The following SLAMF8 variants were observed in gnomAD, a reference collection of about 807,000 sequenced individuals.
SLAMF8 encodes SLAM family member 8, also known as B lymphocyte activator macrophage expressed.
In SLAMF8, 23 loss-of-function variants were observed where a neutral mutation model predicts 29.0. The observed-to-expected ratio is 0.79, with a 90% confidence interval of 0.57 to 1.13. The LOEUF (loss-of-function observed/expected upper bound fraction) is 1.13, where lower values mean the gene tolerates loss of function less well. SLAMF8 is among the 50% of genes most tolerant of loss of function. The pLI is 0.00. For synonymous variants in SLAMF8, 139 were observed against 145.6 expected (o/e 0.96, Z 0.32); for missense variants, 381 against 353.1 (o/e 1.08, Z -0.63).
chr1:159,831,139 C>T (rs10158111), intron 2 of SLAMF8, among the ~76,000 whole-genome samples: 21,569 of 152,012 alleles, frequency 0.14, 1,656 homozygotes, highest in Middle Eastern at 0.17. Flanking sequence ...ACCTAATGGG[C>T]TAGAAAAGAG....
Position 159,833,269 on chromosome 1 carries a change from G to A in SLAMF8, c.681G>A (p.Gly227=), listed in dbSNP as rs1168955694. The change falls in exon 4 of 5, where the codon GGG becomes GGA. Residue 227 remains glycine, a synonymous_variant. Coordinates refer to ENST00000289707, the MANE Select transcript of SLAMF8 (RefSeq NM_020125.3). ...CCACCCCTCCATGTTCAGCACCAGG[G>A]AAGGCCTCCTACAAAGATGTGCTGC... ...WDSCHHEAAP[G]KASYKDVLLV... is the part of the protein sequence containing the mutation. 1 of 1,614,054 alleles carries A rather than the reference G, an allele frequency of 6.2e-7. No homozygotes were observed. Among genetic ancestry groups the A allele is most frequent in the African/African-American group, 1.3e-5 (1 of 74,928 alleles).
In SLAMF8 at chr1:159,833,214, G is replaced by T. The variant is rs760794692; in HGVS notation, c.673+33G>T. 7 of 1,614,122 alleles carry T rather than the reference G, an allele frequency of 4.3e-6. No homozygotes were observed. The South Asian group carries it at 5.5e-5, about 13-fold the overall frequency. ...AAGGGCCAGCAGTCAGTGGTTGAGGGCTTATGAAGCATCAAGTCCACCTCT... is the reference window on the plus strand; with the variant it reads ...AAGGGCCAGCAGTCAGTGGTTGAGGTCTTATGAAGCATCAAGTCCACCTCT... On this transcript the variant is annotated intron_variant, in intron 3 of 4. Transcript: ENST00000289707.
At chr1:159,829,736 T>C in intron 1 of SLAMF8, 130 bp from the exon 2 acceptor site, 1 of 927,574 alleles carries the variant, frequency 1.1e-6, no homozygotes, top group Non-Finnish European at 1.6e-6. Flanking sequence ...CCTAGCACAG[T>C]GCAACCTCAA....
Position 159,830,000 on chromosome 1 carries a change from C to T in SLAMF8, c.175C>T (p.Leu59Phe). The part of the protein sequence containing the change: ...IWRSLWPSEE[L>F]LATFFRGSLE... ...GCGATCTCTCTGGCCTTCAGAAGAG[C>T]TCCTGGCCACGTTTTTCCGAGGCTC... Residue 59 changes from leucine to phenylalanine, a missense_variant, in exon 2 of 5, where the codon CTC (leucine) becomes TTC (phenylalanine). Physicochemically the swap from Leu to Phe is conservative, Grantham distance 22. Coordinates refer to ENST00000289707, the MANE Select transcript of SLAMF8 (RefSeq NM_020125.3). 2.5e-6 allele frequency: 4 copies of T among 1,614,234 alleles called. No individual in the cohort carries two copies. Among genetic ancestry groups the T allele is most frequent in the Non-Finnish European group, 3.4e-6 (4 of 1,180,042 alleles).
chr1:159,830,970 G>A (rs1466364974), intron 2 of SLAMF8, among the ~76,000 whole-genome samples: 1 of 152,160 alleles, frequency 6.6e-6, no homozygotes, highest in Non-Finnish European at 1.5e-5. Context: ...AGAGCCATTC[G>A]CGCAGCTACA....
At chr1:159,832,542 G>T (rs183814865) in intron 2 of SLAMF8, among the ~76,000 whole-genome samples, 1 of 152,324 alleles carries the variant, frequency 6.6e-6, no homozygotes. Flanking sequence ...AGAAGGGAAA[G>T]GCATCTGTGT....
chr1:159,831,707 C>T (rs778966005), intron 2 of SLAMF8, among the ~76,000 whole-genome samples: 7 of 152,166 alleles, frequency 4.6e-5, no homozygotes, highest in Non-Finnish European at 5.9e-5. Flanking sequence ...AAATACATAG[C>T]GTGATTAGAA....
rs141884763 is a variant in SLAMF8, at chr1:159,830,100, C to G, written c.275C>G (p.Pro92Arg). 4 of 1,614,094 alleles carry G rather than the reference C, an allele frequency of 2.5e-6. No homozygotes were observed. The highest frequency in any genetic ancestry group is 3.4e-6 in the Non-Finnish European group (4 of 1,180,052). Reference sequence around the variant, plus strand: ...AGCAACCTCAGCCTGGAGCTCGGGCCGCTGGAGTCTGGAGACAGCGGCAAC... The same window carrying G: ...AGCAACCTCAGCCTGGAGCTCGGGCGGCTGGAGTCTGGAGACAGCGGCAAC... Reference protein sequence around the residue: ...LHSNLSLELGPLESGDSGNFS... With the variant: ...LHSNLSLELGRLESGDSGNFS... Residue 92 changes from proline to arginine, a missense_variant, in exon 2 of 5, where the codon CCG (proline) becomes CGG (arginine). By Grantham distance (103) the Pro-to-Arg change is moderately radical (BLOSUM62 -2). Transcript: ENST00000289707.
intron 2 of SLAMF8, among the ~76,000 whole-genome samples, chr1:159,831,315 C>A (rs1157438218): frequency 6.6e-6 from 1 of 151,960 alleles, no homozygotes; most frequent in African/African-American, 2.4e-5. Flanking sequence ...TGTCTTGAAT[C>A]CCCCCGAGAC....
At chr1:159,832,250 C>T (rs1167210210) in intron 2 of SLAMF8, among the ~76,000 whole-genome samples, 1 of 152,234 alleles carries the variant, frequency 6.6e-6, no homozygotes, top group Non-Finnish European at 1.5e-5. Context: ...ATTTTGCACC[C>T]TCATAATTAT....
Position 159,830,192 on chromosome 1 carries a change from G to C in SLAMF8, c.367G>C (p.Asp123His). The change falls in exon 2 of 5, where the codon GAT becomes CAT. Residue 123 changes from aspartate to histidine, a missense_variant and splice_region_variant. Physicochemically the swap from Asp to His is moderately conservative, Grantham distance 81 (BLOSUM62 -1). Coordinates refer to ENST00000289707, the MANE Select transcript of SLAMF8 (RefSeq NM_020125.3). ...WTQTLQLKVY[D>H]AVPRPVVQVF... is the part of the protein sequence containing the mutation. ...CCAGACCCTCCAGCTCAAGGTGTAC[G>C]GTGAGTGTGTCTGACACTGGCTGCC... 3 of 1,586,506 alleles carry C rather than the reference G, an allele frequency of 1.9e-6. No individual in the cohort carries two copies. The highest frequency in any genetic ancestry group is 2.6e-6 in the Non-Finnish European group (3 of 1,162,604).
Position 159,835,198 on chromosome 1 carries a change from G to A in SLAMF8, c.796G>A (p.Asp266Asn). Reference protein sequence around the residue: ...WCPCSGKKKKDVHADRVGPET... With the variant: ...WCPCSGKKKKNVHADRVGPET... Reference sequence around the variant, plus strand: ...GTCCTTACCAGGGAAAAAGAAAAAGGATGTCCATGCTGACAGAGTGGGTCC... The same window carrying A: ...GTCCTTACCAGGGAAAAAGAAAAAGAATGTCCATGCTGACAGAGTGGGTCC... The change falls in exon 5 of 5, where the codon GAT becomes AAT. Residue 266 changes from aspartate to asparagine, a missense_variant. Asp to Asn is a conservative substitution (Grantham distance 23). Transcript: ENST00000289707. 6.2e-7 allele frequency: 1 copy of A among 1,614,010 alleles called. No homozygotes were observed. Among genetic ancestry groups the A allele is most frequent in the Non-Finnish European group, 8.5e-7 (1 of 1,179,962 alleles).
chr1:159,834,549 C>A (rs561075418), intron 4 of SLAMF8: 1 of 152,212 alleles, frequency 6.6e-6, no homozygotes, highest in African/African-American at 2.4e-5. Flanking sequence ...GTATACAATT[C>A]GATGCCTTTT....
In SLAMF8 at chr1:159,837,428, G is replaced by A. The variant is rs1404555148; in HGVS notation, c.*2168G>A. 4.3e-6 allele frequency: 2 copies of A among 467,362 alleles called. No homozygotes were observed. Among genetic ancestry groups the A allele is most frequent in the African/African-American group, 4.2e-5 (2 of 47,244 alleles). The allele number at this position is 467,362 out of a possible 1,614,324, so 29.0% of individuals were successfully genotyped here. ...ATTTCTTGGCACTTGGGAATCAGTA[G>A]TCAAGCGAAACCCTTGCCTTTGAGA... On this transcript the variant is annotated 3_prime_UTR_variant, in exon 5 of 5. Transcript: ENST00000289707.
At chr1:159,828,929 C>G (rs74124726) in intron 1 of SLAMF8, among the ~76,000 whole-genome samples, 1,878 of 152,214 alleles carry the variant, frequency 0.012, 37 homozygotes, top group African/African-American at 0.042. Flanking sequence ...TTTCTCACCC[C>G]CTGTCTGTTT....
rs539549437 is a variant in SLAMF8 at position 159,837,317 on chromosome 1, A to T, written c.*2057A>T. 1.0e-6 allele frequency: 1 copy of T among 985,234 alleles called. No individual in the cohort carries two copies. The highest frequency in any genetic ancestry group is 4.7e-5 in the South Asian group (1 of 21,278). 61.0% of individuals were successfully genotyped at this position (985,234 alleles called of 1,614,324 possible). A position where few individuals can be genotyped will look rare whatever the true frequency, so the allele number is the denominator to read the frequency against. Reference sequence around the variant, plus strand: ...AACACAAAGTGCTTCTGTGAGACCAATTTTGTGCTAATGAGCATTGAGACT... The same window carrying T: ...AACACAAAGTGCTTCTGTGAGACCATTTTTGTGCTAATGAGCATTGAGACT... On this transcript the variant is annotated 3_prime_UTR_variant, in exon 5 of 5. Transcript: ENST00000289707.
intron 2 of SLAMF8, among the ~76,000 whole-genome samples, chr1:159,832,217 C>G (rs1036101538): frequency 1.8e-4 from 28 of 152,222 alleles, no homozygotes; most frequent in Admixed American, 6.5e-5. Context: ...AGAGCCCCCA[C>G]CTCTGGGCCC....
chr1:159,836,767 T>A lies in SLAMF8; in HGVS notation c.*1507T>A. 1 of 985,620 alleles carries A rather than the reference T, an allele frequency of 1.0e-6. No individual in the cohort carries two copies. Among genetic ancestry groups the A allele is most frequent in the Non-Finnish European group, 1.2e-6 (1 of 830,078 alleles). The allele number at this position is 985,620 out of a possible 1,614,324, so 61.1% of individuals were successfully genotyped here. A position where few individuals can be genotyped will look rare whatever the true frequency, so the allele number is the denominator to read the frequency against. On this transcript the variant is annotated 3_prime_UTR_variant, in exon 5 of 5. Coordinates refer to ENST00000289707, the MANE Select transcript of SLAMF8 (RefSeq NM_020125.3). The stretch of plus-strand genomic sequence containing the variant: ...CACTCGATTGTTCCCAGATCCTCCC[T>A]GCCTGGCCTGCTCAGAGGTTCCCTG...
chr1:159,833,808 C>T (rs1162386842), intron 4 of SLAMF8, among the ~76,000 whole-genome samples: 1 of 121,398 alleles, frequency 8.2e-6, no homozygotes, highest in African/African-American at 2.6e-5. Flanking sequence ...ACATTTACTT[C>T]CCCACTGAAT....
Sources: allele counts gnomAD v4.1 joint callset (sites outside exome capture counted in the v4.1 genomes callset), GRCh38; gene constraint gnomAD v4.1.1; transcripts MANE v1.5; gene names NCBI Gene and HGNC (gene_info 2026-07-23, HGNC 2026-07-21).